The following PCDHA3 variants were observed in gnomAD, a reference collection of about 807,000 sequenced individuals.
PCDHA3 encodes the protein protocadherin alpha 3.
Under a neutral mutation model 62.2 loss-of-function variants are expected in PCDHA3, and 41 were observed. That is an observed-to-expected ratio of 0.66 (90% CI 0.51 to 0.86). PCDHA3 has a LOEUF of 0.86. Ranked by LOEUF, PCDHA3 falls within the 40% of genes least tolerant of loss-of-function variation. The pLI is 0.00. For synonymous variants in PCDHA3, 640 were observed against 555.4 expected (o/e 1.15, Z -2.14); for missense variants, 1,304 against 1,241.2 (o/e 1.05, Z -0.76).
At chr5:141,001,030 G>A (rs1356604139) in intron 3 of PCDHA3, among the ~76,000 whole-genome samples, 1 of 151,894 alleles carries the variant, frequency 6.6e-6, no homozygotes, top group Non-Finnish European at 1.5e-5. Context: ...TATAATAATA[G>A]CTTTAATTAA....
intron 1 of PCDHA3, among the ~76,000 whole-genome samples, chr5:140,837,511 G>C: frequency 1.0e-5 from 1 of 96,668 alleles, no homozygotes; most frequent in Non-Finnish European, 2.1e-5. Context: ...TTCTGAAGCA[G>C]TTTACTTTTT....
intron 1 of PCDHA3, chr5:140,816,912 T>C (rs1425920836): frequency 2.0e-5 from 3 of 152,200 alleles, no homozygotes; most frequent in Admixed American, 2.0e-4. Flanking sequence ...CCCTCAGTTA[T>C]AGATTCTGCT....
intron 1 of PCDHA3, chr5:140,836,329 T>C: frequency 6.2e-7 from 1 of 1,613,654 alleles, no homozygotes; most frequent in Non-Finnish European, 8.5e-7. Context: ...CGCCTTCTGG[T>C]GCTTGTGAAG....
intron 1 of PCDHA3, chr5:140,967,572 A>G: frequency 6.2e-7 from 1 of 1,613,544 alleles, no homozygotes; most frequent in Non-Finnish European, 8.5e-7. Flanking sequence ...CTACGGGAGG[A>G]CTCACCCCCA....
chr5:140,999,027 T>A (rs2097843534), intron 3 of PCDHA3, among the ~76,000 whole-genome samples: 1 of 152,262 alleles, frequency 6.6e-6, no homozygotes, highest in Admixed American at 6.5e-5. Flanking sequence ...AGACTTTTGA[T>A]ACTTCGTCCA....
At chr5:140,809,508 C>CCAG in intron 1 of PCDHA3, 1 of 1,614,204 alleles carries the variant, frequency 6.2e-7, no homozygotes, top group Non-Finnish European at 8.5e-7. Context: ...GCCTTCAGCC[C>CCAG]CAGTTTACCT....
At chr5:140,876,999 G>T (rs368334312) in intron 1 of PCDHA3, 2 of 1,612,546 alleles carry the variant, frequency 1.2e-6, no homozygotes, top group Non-Finnish European at 1.7e-6. Flanking sequence ...GCTACGTGTC[G>T]GTGCACGCGG....
intron 1 of PCDHA3, chr5:140,822,865 C>T (rs2150119929): frequency 1.2e-6 from 2 of 1,614,228 alleles, no homozygotes; most frequent in Admixed American, 1.7e-5. Flanking sequence ...GGACGCTCCA[C>T]TCAGCACGGT....
intron 1 of PCDHA3, among the ~76,000 whole-genome samples, chr5:140,827,215 A>G (rs1007618688): frequency 6.6e-6 from 1 of 152,212 alleles, no homozygotes; most frequent in Non-Finnish European, 1.5e-5. Flanking sequence ...GAACAATTAA[A>G]GGAAAGGATA....
At chr5:140,928,790 GGGT>G in intron 1 of PCDHA3, 1 of 1,614,176 alleles carries the variant, frequency 6.2e-7, no homozygotes. Flanking sequence ...GTTAAGCAGA[GGGT>G]GGTGGTAGTG....
chr5:140,836,386 C>G, intron 1 of PCDHA3: 1 of 1,613,722 alleles, frequency 6.2e-7, no homozygotes, highest in Non-Finnish European at 8.5e-7. Context: ...GTGCTGGTGT[C>G]GCTGGTGGAA....
At chr5:140,834,657 C>T (rs2150223587) in intron 1 of PCDHA3, 4 of 1,614,136 alleles carry the variant, frequency 2.5e-6, no homozygotes, top group South Asian at 1.1e-5. Context: ...TCGGATCGAC[C>T]GCGAGGAGCT....
chr5:140,836,312 G>A, intron 1 of PCDHA3: 1 of 1,613,712 alleles, frequency 6.2e-7, no homozygotes, highest in Non-Finnish European at 8.5e-7. Flanking sequence ...CGGACGCACC[G>A]CGCCACCGCC....
chr5:140,945,801 C>T (rs1371269109), intron 1 of PCDHA3, among the ~76,000 whole-genome samples: 2 of 152,026 alleles, frequency 1.3e-5, no homozygotes, highest in East Asian at 3.9e-4. Context: ...GAAACTAGAC[C>T]CTTATCTCAC....
chr5:140,823,212 G>A (rs1282468969), intron 1 of PCDHA3: 1 of 1,613,666 alleles, frequency 6.2e-7, no homozygotes, highest in African/African-American at 1.3e-5. Context: ...TGTCTGCACG[G>A]GACGCGGACG....
At chr5:140,853,560 A>G in intron 1 of PCDHA3, 1 of 981,448 alleles carries the variant, frequency 1.0e-6, no homozygotes, top group Non-Finnish European at 1.2e-6. Flanking sequence ...ATATAGGAAA[A>G]ACTAAGTTGT....
At chr5:140,809,293 TG>T in intron 1 of PCDHA3, 1 of 1,614,098 alleles carries the variant, frequency 6.2e-7, no homozygotes, top group Non-Finnish European at 8.5e-7. Context: ...ACCTGATCAT[TG>T]CCATCTGCGC....
chr5:140,803,429 G>C lies in PCDHA3; in HGVS notation c.2232G>C (p.Ala744=), dbSNP rs782400745. 1 of 1,614,106 alleles carries C rather than the reference G, an allele frequency of 6.2e-7. No homozygotes were observed. The highest frequency in any genetic ancestry group is 1.3e-5 in the African/African-American group (1 of 74,936). ...PGKPTLVCSS[A]VGSWSYSQQR... ...AGCCCACGCTGGTGTGCTCCAGCGC[G>C]GTGGGGAGCTGGTCATACTCGCAGC... Residue 744 remains alanine, a synonymous_variant, in exon 1 of 4, where the codon GCG becomes GCC. Coordinates refer to ENST00000522353, the MANE Select transcript of PCDHA3 (RefSeq NM_018906.3).
Position 140,802,189 on chromosome 5 carries a change from C to T in PCDHA3, c.992C>T (p.Ser331Leu), listed in dbSNP as rs138143542. The change falls in exon 1 of 4, where the codon TCA becomes TTA. Residue 331 changes from serine to leucine, a missense_variant. Ser to Leu is a moderately radical substitution (Grantham distance 145). Coordinates refer to ENST00000522353, the MANE Select transcript of PCDHA3 (RefSeq NM_018906.3). ...EATDKGNPPM[S>L]DHCTVLLEIV... ...ACGGATAAAGGAAATCCCCCAATGTCAGATCACTGCACAGTTCTACTCGAA... is the reference window on the plus strand; with the variant it reads ...ACGGATAAAGGAAATCCCCCAATGTTAGATCACTGCACAGTTCTACTCGAA... 155 of 1,614,124 alleles carry T rather than the reference C, an allele frequency of 9.6e-5. No homozygotes were observed. The highest frequency in any genetic ancestry group is 6.1e-5 in the Non-Finnish European group (72 of 1,180,052).
Sources: allele counts gnomAD v4.1 joint callset (sites outside exome capture counted in the v4.1 genomes callset), GRCh38; gene constraint gnomAD v4.1.1; transcripts MANE v1.5; gene names NCBI Gene and HGNC (gene_info 2026-07-23, HGNC 2026-07-21).